SNX13: variants seen among roughly 807,000 people sequenced by gnomAD.
SNX13 encodes sorting nexin-13.
In SNX13, 45 loss-of-function variants were observed where a neutral mutation model predicts 133.6. The ratio of observed to expected loss-of-function variants is 0.34; its 90% CI spans 0.27 to 0.43. SNX13 has a LOEUF of 0.43. SNX13 is among the 20% of genes least tolerant of loss of function. The pLI is 1.00. For missense variants in SNX13, 1,032 were observed against 1,145.1 expected, an observed-to-expected ratio of 0.90 and a Z score of 1.43; for synonymous variants, 414 against 373.9, an observed-to-expected ratio of 1.11 and a Z score of -1.24.
At chr7:17,940,074 C>T (rs553555779) in intron 1 of SNX13, among the ~76,000 whole-genome samples, 1 of 152,170 alleles carries the variant, frequency 6.6e-6, no homozygotes, top group African/African-American at 2.4e-5. Flanking sequence ...CTGCGAAAGG[C>T]GAGGCACTGG....
At chr7:17,926,853 T>C (rs1800807645) in intron 1 of SNX13, among the ~76,000 whole-genome samples, 1 of 152,154 alleles carries the variant, frequency 6.6e-6, no homozygotes, top group Non-Finnish European at 1.5e-5. Context: ...GCTACTGCAC[T>C]CTAGCCTGGA....
At chr7:17,825,278 A>ACTAGT (rs1054329592) in intron 17 of SNX13, among the ~76,000 whole-genome samples, 9 of 147,932 alleles carry the variant, frequency 6.1e-5, no homozygotes, top group Non-Finnish European at 1.2e-4. Flanking sequence ...ACTAGACTAG[A>ACTAGT]CTAGACTAGA....
intron 1 of SNX13, among the ~76,000 whole-genome samples, chr7:17,920,878 T>G (rs1800053120): frequency 6.6e-6 from 1 of 152,208 alleles, no homozygotes. Context: ...CTGGACAATT[T>G]AAAGTGTTCC....
At chr7:17,871,930 T>C (rs1349931907) in intron 8 of SNX13, among the ~76,000 whole-genome samples, 2 of 152,112 alleles carry the variant, frequency 1.3e-5, no homozygotes, top group African/African-American at 4.8e-5. Flanking sequence ...CTGAAAAATT[T>C]ACTAGATGAT....
chr7:17,807,715 G>A (rs1785476734), intron 20 of SNX13, among the ~76,000 whole-genome samples: 1 of 152,192 alleles, frequency 6.6e-6, no homozygotes, highest in Admixed American at 6.5e-5. Context: ...ATACAGGAGA[G>A]CTCCAGCTGG....
At chr7:17,880,082 G>C (rs1160399253) in intron 5 of SNX13, 1 of 152,116 alleles carries the variant, frequency 6.6e-6, no homozygotes, top group Non-Finnish European at 1.5e-5. Context: ...TCCTGTGTAG[G>C]AATAAGACTT....
rs1469267915 is a variant in SNX13, at chr7:17,897,408, A to C, written c.51T>G (p.Ile17Met). The C allele has an allele frequency of 6.2e-7, 1 of 1,604,338 alleles. No individual in the cohort carries two copies. Among genetic ancestry groups the C allele is most frequent in the Non-Finnish European group, 8.5e-7 (1 of 1,174,770 alleles). Residue 17 changes from isoleucine (I) to methionine (M), a missense_variant, in exon 2 of 26, where the codon ATT becomes ATG. Transcript: ENST00000428135. ...LSIWGWGSLG[I>M]VLFLITFGPF... Reference sequence around the variant, plus strand: ...GTCCAAAGGTTATCAGAAAAAGGACAATGCCAAGGCTTCCCCATCCCCATA... The same window carrying C: ...GTCCAAAGGTTATCAGAAAAAGGACCATGCCAAGGCTTCCCCATCCCCATA...
chr7:17,870,262 AT>A (rs1454103150), intron 8 of SNX13, among the ~76,000 whole-genome samples: 30 of 152,222 alleles, frequency 2.0e-4, no homozygotes, highest in African/African-American at 7.2e-4. Flanking sequence ...TTAAATAGCA[AT>A]TATCTCAAAT....
chr7:17,852,115 T>G (rs1046554109), intron 9 of SNX13, among the ~76,000 whole-genome samples: 1 of 152,240 alleles, frequency 6.6e-6, no homozygotes, highest in African/African-American at 2.4e-5. Flanking sequence ...GTGCAGTGCT[T>G]GTAATCGCAG....
At chr7:17,869,697 C>G (rs1583555917) in intron 8 of SNX13, among the ~76,000 whole-genome samples, 1 of 151,986 alleles carries the variant, frequency 6.6e-6, no homozygotes, top group African/African-American at 2.4e-5. Flanking sequence ...TTTGAAATGT[C>G]TTTGGAGACA....
At chr7:17,816,324 T>G in intron 18 of SNX13, 35 bp from the exon 19 acceptor site, 3 of 1,514,918 alleles carry the variant, frequency 2.0e-6, no homozygotes, top group Non-Finnish European at 2.7e-6. Flanking sequence ...GCACTTTTTA[T>G]AAAGACAAAA....
intron 5 of SNX13, chr7:17,889,993 A>G (rs1022532598): frequency 1.3e-5 from 2 of 158,480 alleles, no homozygotes; most frequent in African/African-American, 4.8e-5. Context: ...AAGAGCAGTT[A>G]CACTGAAACT....
At chr7:17,820,817 GAGTTAAAATA>G (rs1787206335) in intron 18 of SNX13, among the ~76,000 whole-genome samples, 3 of 152,158 alleles carry the variant, frequency 2.0e-5, no homozygotes, top group East Asian at 3.9e-4. Context: ...GACTTTTTAA[GAGTTAAAATA>G]AGTTAAAATA....
At chr7:17,828,542 T>G (rs1261926229) in intron 16 of SNX13, among the ~76,000 whole-genome samples, 6 of 151,688 alleles carry the variant, frequency 4.0e-5, no homozygotes, top group South Asian at 2.1e-4. Context: ...CTCCTTTGTT[T>G]AGTACATTGG....
chr7:17,929,526 T>A (rs13227506), intron 1 of SNX13, among the ~76,000 whole-genome samples: 15,369 of 151,278 alleles, frequency 0.1, 1,069 homozygotes, highest in Non-Finnish European at 0.14. Context: ...TACATATTTT[T>A]AAAAAAAAAG....
intron 13 of SNX13, among the ~76,000 whole-genome samples, chr7:17,837,102 T>G (rs1789224646): frequency 6.6e-6 from 1 of 151,902 alleles, no homozygotes; most frequent in Admixed American, 6.6e-5. Flanking sequence ...CTTGTGTCAA[T>G]CCAATGTGAA....
intron 15 of SNX13, chr7:17,830,974 TC>T (rs1788422866): frequency 1.0e-6 from 1 of 984,258 alleles, no homozygotes; most frequent in Non-Finnish European, 1.2e-6. Context: ...AGCCCTCTGG[TC>T]ATAAAAAAAT....
intron 1 of SNX13, among the ~76,000 whole-genome samples, chr7:17,920,686 TTAATC>T (rs1275215839): frequency 5.9e-5 from 9 of 152,198 alleles, no homozygotes; most frequent in Middle Eastern, 3.2e-3. Flanking sequence ...CGTTTATACT[TTAATC>T]TAAGTAAGAG....
chr7:17,919,033 A>G (rs1216235124), intron 1 of SNX13, among the ~76,000 whole-genome samples: 1 of 152,198 alleles, frequency 6.6e-6, no homozygotes, highest in Non-Finnish European at 1.5e-5. Context: ...AGTAGGAGCT[A>G]AACATTGGGT....
Sources: gnomAD v4.1 joint callset for allele counts (sites outside exome capture counted in the v4.1 genomes callset) on GRCh38, gnomAD v4.1.1 for gene constraint, MANE v1.5 for transcripts, NCBI Gene and HGNC (gene_info 2026-07-23, HGNC 2026-07-21) for gene names.